Variants in SHOX observed in about 807,000 individuals in gnomAD.
SHOX encodes SHOX homeobox, also known as short stature homeobox protein.
SHOX carries 12 observed loss-of-function variants against 29.6 expected under a neutral mutation model. The ratio of observed to expected loss-of-function variants is 0.41; its 90% CI spans 0.26 to 0.66. SHOX has a LOEUF of 0.66. Among genes scored for constraint, SHOX ranks in the 30% least tolerant of loss-of-function variants. The pLI is 0.35. For missense variants in SHOX, 499 were observed against 437.7 expected, an observed-to-expected ratio of 1.14 and a Z score of -1.25; for synonymous variants, 214 against 200.6, an observed-to-expected ratio of 1.07 and a Z score of -0.57.
rs1486598215 is a variant in SHOX, at chrX:649,942, C to CACCCA, written c.*5307_*5311dup. On this transcript the variant is annotated 3_prime_UTR_variant, in exon 5 of 5. Coordinates refer to ENST00000686671, the MANE Select transcript of SHOX (RefSeq NM_000451.4). ...CTTTTCTCTCTCTCTGACTGCGAAG[C>CACCCA]ACCCACAGGGAGAAGGAATTGGATG... is the stretch of plus-strand genomic sequence containing the variant. 2.2e-6 allele frequency: 1 copy of CACCCA among 456,100 alleles called. No individual in the cohort carries two copies. Among genetic ancestry groups the CACCCA allele is most frequent in the Non-Finnish European group, 4.4e-6 (1 of 226,808 alleles). The allele number at this position is 456,100 out of a possible 1,614,324, so 28.3% of individuals were successfully genotyped here.
intron 2 of SHOX, among the ~76,000 whole-genome samples, chrX:636,970 A>T (rs28698841): frequency 0.62 from 85,056 of 136,852 alleles, 27,678 homozygotes; most frequent in African/African-American, 0.8. Context: ...ATATATATAT[A>T]TTTTGGCTCC....
rs1265432383 is a variant in SHOX, at chrX:630,956, ACGGCGGAGGCGGAGG to A, written c.69_83del (p.Gly24_Gly28del). On this transcript the variant is annotated inframe_deletion, in exon 1 of 5. Coordinates refer to ENST00000686671, the MANE Select transcript of SHOX (RefSeq NM_000451.4). The stretch of plus-strand genomic sequence containing the variant: ...TTTGACCAGAAAAGCAAGGACGGTA[ACGGCGGAGGCGGAGG>A]CGGCGGAGGTAAGAAGGATTCCATT... 1 of 1,613,848 alleles carries A rather than the reference ACGGCGGAGGCGGAGG, an allele frequency of 6.2e-7. No homozygotes were observed. Among genetic ancestry groups the A allele is most frequent in the Admixed American group, 1.7e-5 (1 of 60,020 alleles).
At chrX:632,883 G>A (rs1374880065) in intron 1 of SHOX, among the ~76,000 whole-genome samples, 1 of 152,152 alleles carries the variant, frequency 6.6e-6, no homozygotes, top group African/African-American at 2.4e-5. Context: ...CCCGGCGGCC[G>A]CTTCTGTGGG....
upstream of SHOX, among the ~76,000 whole-genome samples, chrX:628,549 C>G (rs1367795944): frequency 3.6e-5 from 3 of 83,236 alleles, 1 homozygote; most frequent in African/African-American, 8.9e-5. Flanking sequence ...CTGTCTCTCT[C>G]TTTCTCTCTC....
chrX:651,594 T>TAAA (rs754859715), downstream of SHOX: 4,655 of 163,796 alleles, frequency 0.028, 98 homozygotes, highest in Middle Eastern at 0.049. Flanking sequence ...ATTCAAGTGT[T>TAAA]AAAAAAAAAA....
chrX:650,918 G>A lies in SHOX; in HGVS notation c.*6282G>A, dbSNP rs760574861. On this transcript the variant is annotated 3_prime_UTR_variant, in exon 5 of 5. Transcript: ENST00000686671. ...TGATGCCATTTATAAATGTTTTATT[G>A]AAATTTGATATTTAATGAGAAGCCG... 1.3e-5 allele frequency among the ~76,000 whole-genome samples: 2 copies of A among 149,480 alleles called. No individual in the cohort carries two copies. The highest frequency in any genetic ancestry group is 4.0e-4 in the East Asian group (2 of 4,944).
rs755661137 is a variant in SHOX at position 658,818 on chromosome X, A to G, written c.667A>G (p.Ile223Val). ...TTGCTCTTGTCGCCCGGGCTGGAGT[A>G]TAATGGCATGATCTCGACTCACTGC... Residue 223 changes from isoleucine to valine, a missense_variant, in exon 6 of 6, where the codon ATA becomes GTA. Physicochemically the swap from Ile to Val is conservative, Grantham distance 29. Coordinates refer to the SHOX transcript ENST00000334060. The G allele has an allele frequency of 2.0e-5, 8 of 401,906 alleles. No individual in the cohort carries two copies. In the East Asian group the frequency reaches 2.6e-4, roughly 13 times the overall value. The allele number at this position is 401,906 out of a possible 1,614,324, so 24.9% of individuals were successfully genotyped here.
downstream of SHOX, among the ~76,000 whole-genome samples, chrX:651,727 C>G (rs2053068187): frequency 6.6e-6 from 1 of 151,030 alleles, no homozygotes; most frequent in Non-Finnish European, 1.5e-5. Flanking sequence ...AGGGTGGGTA[C>G]CCAGTGTTGC....
chrX:624,931 T>TTTC lies in SHOX; in HGVS notation c.-433+331_-433+332insCTT, dbSNP rs1556451858. 3.4e-3 allele frequency among the ~76,000 whole-genome samples: 207 copies of TTTC among 60,756 alleles called. 2 individuals are homozygous for TTTC. Among genetic ancestry groups the TTTC allele is most frequent in the African/African-American group, 0.017 (198 of 11,812 alleles). The allele number at this position is 60,756 out of a possible 152,430, so 39.9% of individuals were successfully genotyped here. ...CTTCCTTTCTTTCTTTCTTTCTTTC[T>TTTC]TTTCTTTCTTTCACTTGGCAAGATT... On this transcript the variant is annotated intron_variant, in intron 1 of 5. Coordinates refer to the SHOX transcript ENST00000334060.
At chrX:626,644 C>CTCTGTCTTTGT (rs2052542789), upstream of SHOX, among the ~76,000 whole-genome samples, 1 of 134,832 alleles carries the variant, frequency 7.4e-6, no homozygotes, top group African/African-American at 3.0e-5. Flanking sequence ...CTCTCTTTCT[C>CTCTGTCTTTGT]TCCTCTCTCT....
chrX:651,720 G>T (rs1603290652), downstream of SHOX, among the ~76,000 whole-genome samples: 1 of 150,840 alleles, frequency 6.6e-6, no homozygotes, highest in South Asian at 2.1e-4. Context: ...CATTTCCAGG[G>T]TGGGTACCCA....
Position 644,701 on chromosome X carries a change from T to C in SHOX, c.*65T>C, listed in dbSNP as rs914344653. ...CCGCGCACCCCGCCTGCACCGCGCGTCCTGCACTCAACCCCGCCTGGAGCT... is the reference window on the plus strand; with the variant it reads ...CCGCGCACCCCGCCTGCACCGCGCGCCCTGCACTCAACCCCGCCTGGAGCT... On this transcript the variant is annotated 3_prime_UTR_variant, in exon 5 of 5. Coordinates refer to ENST00000686671, the MANE Select transcript of SHOX (RefSeq NM_000451.4). 1.1e-4 allele frequency: 145 copies of C among 1,361,296 alleles called. 1 individual carries two copies. Among genetic ancestry groups the C allele is most frequent in the Non-Finnish European group, 1.3e-4 (138 of 1,066,802 alleles). 84.3% of individuals were successfully genotyped at this position (1,361,296 alleles called of 1,614,324 possible).
At chrX:643,677 G>A (rs759658790) in intron 4 of SHOX, among the ~76,000 whole-genome samples, 1 of 118,084 alleles carries the variant, frequency 8.5e-6, no homozygotes, top group African/African-American at 3.8e-5. Context: ...TCGGGAGAGA[G>A]CCTTGGGGAC....
chrX:634,678 C>G lies in SHOX; in HGVS notation c.338C>G (p.Thr113Ser), dbSNP rs758757973. The G allele has an allele frequency of 2.5e-6, 4 of 1,613,802 alleles. No homozygotes were observed. Among genetic ancestry groups the G allele is most frequent in the Non-Finnish European group, 3.4e-6 (4 of 1,179,886 alleles). Reference sequence around the variant, plus strand: ...AAGTCGGAGGACGAGGACGGGCAGACCAAGCTGAAACAGAGGCGCAGCCGC... The same window carrying G: ...AAGTCGGAGGACGAGGACGGGCAGAGCAAGCTGAAACAGAGGCGCAGCCGC... The part of the protein sequence containing the change: ...DVKSEDEDGQ[T>S]KLKQRRSRTN... Residue 113 changes from threonine to serine, a missense_variant, in exon 2 of 5, where the codon ACC becomes AGC. By Grantham distance (58) the Thr-to-Ser change is moderately conservative (BLOSUM62 1). Transcript: ENST00000686671.
chrX:654,601 T>TA (rs1274052445), downstream of SHOX, among the ~76,000 whole-genome samples: 9 of 106,768 alleles, frequency 8.4e-5, no homozygotes, highest in East Asian at 1.4e-3. Context: ...TTTATAACAA[T>TA]TAAAAAAAGT....
chrX:624,747 T>TTTTCTTTCC lies in SHOX; in HGVS notation c.-433+146_-433+147insTTCTTTCCT, dbSNP rs2052476440. The TTTTCTTTCC allele has an allele frequency of 1.3e-5, 2 of 148,962 alleles. 1 individual carries two copies. The highest frequency in any genetic ancestry group is 3.0e-5 in the Non-Finnish European group (2 of 67,720). The allele number at this position is 148,962 out of a possible 1,614,324, so 9.2% of individuals were successfully genotyped here. On this transcript the variant is annotated intron_variant, in intron 1 of 5. Coordinates refer to the SHOX transcript ENST00000334060. ...TTTCTTTCTTTCTTTCTTTTCTTTCTTCCTTTCACTTGGCAAGATTGGTTT... is the reference window on the plus strand; with the variant it reads ...TTTCTTTCTTTCTTTCTTTTCTTTCTTTTCTTTCCTCCTTTCACTTGGCAAGATTGGTTT...
At chrX:625,052 T>TTCCTTCCCTCCCTCCCTCCC (rs1368231243) in intron 1 of SHOX, among the ~76,000 whole-genome samples, 2 of 64,126 alleles carry the variant, frequency 3.1e-5, no homozygotes, top group Non-Finnish European at 5.6e-5. Context: ...CCTCCCTCTG[T>TTCCTTCCCTCCCTCCCTCCC]TCCTTCCTCC....
chrX:632,200 G>A (rs2052663409), intron 1 of SHOX, among the ~76,000 whole-genome samples: 1 of 152,144 alleles, frequency 6.6e-6, no homozygotes, highest in African/African-American at 2.4e-5. Context: ...CGCGTCCTAA[G>A]TCAAGGTTGT....
At chrX:639,001 G>C (rs746997225) in intron 2 of SHOX, among the ~76,000 whole-genome samples, 11 of 152,276 alleles carry the variant, frequency 7.2e-5, no homozygotes, top group African/African-American at 2.6e-4. Flanking sequence ...GAGAGGAGGG[G>C]GTGGTGTCCA....
Sources: allele counts gnomAD v4.1 joint callset (sites outside exome capture counted in the v4.1 genomes callset), GRCh38; gene constraint gnomAD v4.1.1; transcripts MANE v1.5; gene names NCBI Gene and HGNC (gene_info 2026-07-23, HGNC 2026-07-21).